SPOCK1: variants seen among roughly 807,000 people sequenced by gnomAD.
SPOCK1 encodes the protein testican-1.
Under a neutral mutation model 55.3 loss-of-function variants are expected in SPOCK1, and 23 were observed. That is an observed-to-expected ratio of 0.42 (90% CI 0.30 to 0.59). The LOEUF is 0.59. SPOCK1 is among the 20% of genes least tolerant of loss of function. The probability of loss-of-function intolerance (pLI) is 0.22; values close to 1 mark genes in which losing one functional copy is unlikely to be tolerated. For missense variants in SPOCK1, 499 were observed against 552.5 expected, an observed-to-expected ratio of 0.90 and a Z score of 0.97; for synonymous variants, 226 against 221.0, an observed-to-expected ratio of 1.02 and a Z score of -0.20.
At chr5:137,211,607 G>A (rs982445126) in intron 3 of SPOCK1, among the ~76,000 whole-genome samples, 1 of 152,142 alleles carries the variant, frequency 6.6e-6, no homozygotes, top group African/African-American at 2.4e-5. Flanking sequence ...GCAGTTGGGG[G>A]CCCCAAGATA....
At chr5:137,186,747 G>A (rs1755076883) in intron 3 of SPOCK1, among the ~76,000 whole-genome samples, 1 of 152,174 alleles carries the variant, frequency 6.6e-6, no homozygotes, top group Non-Finnish European at 1.5e-5. Flanking sequence ...GGAGGCACAA[G>A]GCAGTGAGCT....
intron 5 of SPOCK1, among the ~76,000 whole-genome samples, chr5:137,080,264 A>G (rs1752858723): frequency 6.6e-6 from 1 of 152,212 alleles, no homozygotes; most frequent in Non-Finnish European, 1.5e-5. Context: ...TAACCTTGCG[A>G]AGCCTGAGTC....
intron 2 of SPOCK1, among the ~76,000 whole-genome samples, chr5:137,412,692 A>G (rs1752235319): frequency 6.6e-6 from 1 of 152,240 alleles, no homozygotes; most frequent in Admixed American, 6.5e-5. Flanking sequence ...TTGGAACTTC[A>G]GTGGAGTCTT....
intron 2 of SPOCK1, among the ~76,000 whole-genome samples, chr5:137,363,550 C>A (rs571714497): frequency 6.6e-6 from 1 of 152,150 alleles, no homozygotes; most frequent in African/African-American, 2.4e-5. Context: ...AAATGACCAA[C>A]CTGCTCTAAA....
chr5:137,376,276 C>A (rs983919495), intron 2 of SPOCK1, among the ~76,000 whole-genome samples: 1 of 152,196 alleles, frequency 6.6e-6, no homozygotes, highest in Non-Finnish European at 1.5e-5. Context: ...GCACAAGCAC[C>A]TCTTGCCACC....
intron 2 of SPOCK1, among the ~76,000 whole-genome samples, chr5:137,488,152 G>A (rs188425625): frequency 7.2e-4 from 110 of 152,182 alleles, no homozygotes; most frequent in African/African-American, 2.5e-3. Flanking sequence ...CAAGGTGGGC[G>A]GATCACTTGA....
intron 2 of SPOCK1, among the ~76,000 whole-genome samples, chr5:137,317,327 A>G (rs931021703): frequency 6.6e-6 from 1 of 152,086 alleles, no homozygotes; most frequent in Non-Finnish European, 1.5e-5. Context: ...TGTTCCTTCC[A>G]TCTCCTGGCC....
rs150929030 is a variant in SPOCK1, at chr5:137,346,415, A to G, written c.187-79360T>C. Among the ~76,000 whole-genome samples, 330 of 152,286 alleles carry G rather than the reference A, an allele frequency of 2.2e-3. 1 individual carries two copies. The highest frequency in any genetic ancestry group is 7.0e-3 in the African/African-American group (290 of 41,562). On this transcript the variant is annotated intron_variant, in intron 2 of 10. Coordinates refer to ENST00000394945, the MANE Select transcript of SPOCK1 (RefSeq NM_004598.4). ...CTCAACTCTGCATTGTCTGACCCCA[A>G]CCTGCTTCCAGCTATAACTCCCAAG... is the stretch of plus-strand genomic sequence containing the variant.
At chr5:137,260,760 T>C in intron 3 of SPOCK1, among the ~76,000 whole-genome samples, 1 of 152,246 alleles carries the variant, frequency 6.6e-6, no homozygotes, top group East Asian at 1.9e-4. Flanking sequence ...GTTTCTTCCC[T>C]GGAGTACTGA....
At position 137,082,072 on chromosome 5, in the gene SPOCK1, G is replaced by C. The variant is rs140106945; in HGVS notation, c.475-14243C>G. On this transcript the variant is annotated intron_variant, in intron 5 of 10. Coordinates refer to ENST00000394945, the MANE Select transcript of SPOCK1 (RefSeq NM_004598.4). ...CCTTGGTGACCATTCTGCCCTGCGA[G>C]GCAAGTTGTGTGCTGATTGCTCCCA... Among the ~76,000 whole-genome samples, 519 of 152,342 alleles carry C rather than the reference G, an allele frequency of 3.4e-3. 1 individual carries two copies. Among genetic ancestry groups the C allele is most frequent in the Middle Eastern group, 0.017 (5 of 294 alleles).
At chr5:137,492,999 G>T (rs528658765) in intron 2 of SPOCK1, among the ~76,000 whole-genome samples, 2 of 152,326 alleles carry the variant, frequency 1.3e-5, no homozygotes, top group South Asian at 2.1e-4. Context: ...ATCTCACACC[G>T]AATGAAACAT....
At chr5:137,213,226 ACATGTT>A (rs1268155988) in intron 3 of SPOCK1, among the ~76,000 whole-genome samples, 1 of 152,220 alleles carries the variant, frequency 6.6e-6, no homozygotes, top group Non-Finnish European at 1.5e-5. Context: ...TTCAGAGTGC[ACATGTT>A]CATTACAACT....
intron 9 of SPOCK1, among the ~76,000 whole-genome samples, chr5:136,980,165 T>C (rs1750701074): frequency 7.6e-6 from 1 of 132,146 alleles, no homozygotes; most frequent in Non-Finnish European, 1.6e-5. Flanking sequence ...GCTATTACTA[T>C]CTCCCTGTTT....
chr5:137,355,536 G>A (rs764130406), intron 2 of SPOCK1, among the ~76,000 whole-genome samples: 1 of 152,168 alleles, frequency 6.6e-6, no homozygotes, highest in Non-Finnish European at 1.5e-5. Context: ...GAACAGGATA[G>A]TATCATCTCA....
chr5:137,229,629 C>T (rs982352108), intron 3 of SPOCK1, among the ~76,000 whole-genome samples: 1 of 152,188 alleles, frequency 6.6e-6, no homozygotes, highest in Admixed American at 6.5e-5. Flanking sequence ...AAGCTAGGAG[C>T]AGCCTTGTCA....
intron 6 of SPOCK1, among the ~76,000 whole-genome samples, chr5:137,033,414 T>C (rs1196931133): frequency 6.6e-6 from 1 of 152,222 alleles, no homozygotes; most frequent in Non-Finnish European, 1.5e-5. Context: ...TTCCTTTCTA[T>C]TGAAATGCCC....
chr5:137,461,552 G>A (rs1753489983), intron 2 of SPOCK1, among the ~76,000 whole-genome samples: 1 of 152,210 alleles, frequency 6.6e-6, no homozygotes, highest in South Asian at 2.1e-4. Context: ...GGAGAGACAA[G>A]GGTAAGATCA....
At chr5:137,171,571 A>G (rs1307200267) in intron 3 of SPOCK1, among the ~76,000 whole-genome samples, 2 of 152,214 alleles carry the variant, frequency 1.3e-5, no homozygotes, top group Admixed American at 6.5e-5. Context: ...TTAAGCAACT[A>G]AAAACCATTT....
chr5:137,160,332 T>A (rs920415328), intron 3 of SPOCK1, among the ~76,000 whole-genome samples: 1 of 124,078 alleles, frequency 8.1e-6, no homozygotes, highest in African/African-American at 2.8e-5. Flanking sequence ...ATATATATAT[T>A]ATATATATTA....
Sources: gnomAD v4.1 joint callset for allele counts (sites outside exome capture counted in the v4.1 genomes callset) on GRCh38, gnomAD v4.1.1 for gene constraint, MANE v1.5 for transcripts, NCBI Gene and HGNC (gene_info 2026-07-23, HGNC 2026-07-21) for gene names.